Variants in CDH4 observed in about 807,000 individuals in gnomAD.
CDH4 encodes the protein cadherin-4.
In CDH4, 33 loss-of-function variants were observed where a neutral mutation model predicts 86.0. The observed-to-expected ratio is 0.38, with a 90% CI of 0.29 to 0.51. The LOEUF is 0.51. Ranked by LOEUF, CDH4 falls within the 20% of genes least tolerant of loss-of-function variation. CDH4 has a pLI of 0.86. For missense variants in CDH4, 1,114 were observed against 1,307.4 expected, an observed-to-expected ratio of 0.85 and a Z score of 2.28; for synonymous variants, 555 against 549.4, an observed-to-expected ratio of 1.01 and a Z score of -0.14.
At chr20:61,859,284 G>C (rs571166027) in intron 6 of CDH4, among the ~76,000 whole-genome samples, 2 of 152,050 alleles carry the variant, frequency 1.3e-5, no homozygotes, top group Non-Finnish European at 2.9e-5. Flanking sequence ...AATTCTTTAC[G>C]TATTCTAGAT....
intron 7 of CDH4, among the ~76,000 whole-genome samples, chr20:61,880,598 G>A (rs1054471471): frequency 1.3e-5 from 2 of 152,182 alleles, no homozygotes; most frequent in Admixed American, 6.5e-5. Context: ...GAGTCCCATG[G>A]CGTCCCCCAA....
intron 7 of CDH4, among the ~76,000 whole-genome samples, chr20:61,885,357 C>T (rs1002658045): frequency 4.6e-5 from 7 of 152,224 alleles, no homozygotes; most frequent in Admixed American, 3.9e-4. Flanking sequence ...TCTGCTTCTA[C>T]GGATTTGCCT....
intron 2 of CDH4, among the ~76,000 whole-genome samples, chr20:61,461,197 T>A (rs73915052): frequency 0.16 from 24,364 of 151,780 alleles, 3,305 homozygotes; most frequent in African/African-American, 0.37. Context: ...CATTTTTTTT[T>A]AAAAAAAATG....
At chr20:61,717,836 CCCA>C (rs1341362621) in intron 2 of CDH4, 1 of 151,150 alleles carries the variant, frequency 6.6e-6, no homozygotes, top group Non-Finnish European at 1.5e-5. Context: ...GCCCCCAGCC[CCCA>C]GTGTGCTCAG....
chr20:61,909,840 C>T (rs1776238), intron 8 of CDH4, among the ~76,000 whole-genome samples: 145,182 of 152,202 alleles, frequency 0.95, 69,275 homozygotes, highest in East Asian at 1. Flanking sequence ...GCCATATCTT[C>T]GGGGACACCA....
intron 7 of CDH4, among the ~76,000 whole-genome samples, chr20:61,889,055 T>A (rs1287602144): frequency 6.6e-6 from 1 of 152,210 alleles, no homozygotes; most frequent in Admixed American, 6.5e-5. Context: ...AATGCCCTGT[T>A]CTGCACCATG....
intron 2 of CDH4, among the ~76,000 whole-genome samples, chr20:61,564,353 T>C (rs2086245735): frequency 6.6e-6 from 1 of 152,210 alleles, no homozygotes; most frequent in Non-Finnish European, 1.5e-5. Flanking sequence ...CATGCTGAGA[T>C]GTGATCCCCA....
intron 4 of CDH4, among the ~76,000 whole-genome samples, chr20:61,779,975 A>G (rs884938): frequency 0.48 from 72,829 of 152,078 alleles, 17,731 homozygotes; most frequent in East Asian, 0.75. Context: ...CCCACTTTCC[A>G]ATACTCTAAA....
At chr20:61,572,268 CATAG>C (rs749575634) in intron 2 of CDH4, among the ~76,000 whole-genome samples, 1 of 152,120 alleles carries the variant, frequency 6.6e-6, no homozygotes, top group African/African-American at 2.4e-5. Flanking sequence ...TTAGACTAAT[CATAG>C]ATAGATAATA....
chr20:61,472,521 C>T (rs1392173487), intron 2 of CDH4, among the ~76,000 whole-genome samples: 1 of 152,096 alleles, frequency 6.6e-6, no homozygotes, highest in African/African-American at 2.4e-5. Context: ...TCTTGCTTTT[C>T]ATTTTTTTTG....
chr20:61,354,087 C>T lies in CDH4; in HGVS notation c.169+99150C>T, dbSNP rs1301866857. ...GGTGATTTTGCCCTCAAGGGACATT[C>T]GAGAACGTCTAGGGATGTTGGGTGG... On this transcript the variant is annotated intron_variant, in intron 2 of 15. Coordinates refer to ENST00000614565, the MANE Select transcript of CDH4 (RefSeq NM_001794.5). Among the ~76,000 whole-genome samples the T allele has an allele frequency of 4.6e-5, 7 of 151,986 alleles. No individual in the cohort carries two copies. The East Asian group carries it at 1.2e-3, about 25-fold the overall frequency.
intron 2 of CDH4, among the ~76,000 whole-genome samples, chr20:61,259,297 C>T (rs1458614317): frequency 6.6e-6 from 1 of 152,232 alleles, no homozygotes; most frequent in Non-Finnish European, 1.5e-5. Flanking sequence ...GTACTATTAT[C>T]TTGTCTTTAC....
At position 61,681,167 on chromosome 20, in the gene CDH4, G is replaced by A. The variant is rs145622876; in HGVS notation, c.170-62396G>A. On this transcript the variant is annotated intron_variant, in intron 2 of 15. Coordinates refer to ENST00000614565, the MANE Select transcript of CDH4 (RefSeq NM_001794.5). This position sits in a 1 kb window ranked among gnomAD's most constrained non-coding sequence, Gnocchi z 4.5. ...ATGTCTCTGCAAGGGTAAAACACCC[G>A]CCCTCACGTCCTAATGGCTTTTTTT... 2.9e-3 allele frequency among the ~76,000 whole-genome samples: 438 copies of A among 152,254 alleles called. 3 individuals carry two copies. Among genetic ancestry groups the A allele is most frequent in the Middle Eastern group, 0.01 (3 of 294 alleles).
chr20:61,388,277 G>A (rs2084963036), intron 2 of CDH4, among the ~76,000 whole-genome samples: 1 of 152,144 alleles, frequency 6.6e-6, no homozygotes, highest in Non-Finnish European at 1.5e-5. Flanking sequence ...TGGTGGGTGG[G>A]GGTAGGGGGG....
At chr20:61,753,075 G>C (rs1380152458) in intron 3 of CDH4, among the ~76,000 whole-genome samples, 1 of 152,168 alleles carries the variant, frequency 6.6e-6, no homozygotes, top group African/African-American at 2.4e-5. Flanking sequence ...TGGGAGTTCT[G>C]ATGGGGGCAC....
intron 7 of CDH4, among the ~76,000 whole-genome samples, chr20:61,883,435 G>A (rs1159200098): frequency 2.0e-5 from 3 of 152,178 alleles, no homozygotes; most frequent in African/African-American, 7.2e-5. Context: ...GGCACCACCA[G>A]CATTGCATGG....
chr20:61,873,186 C>T (rs1568860572), intron 6 of CDH4, among the ~76,000 whole-genome samples: 1 of 152,336 alleles, frequency 6.6e-6, no homozygotes, highest in South Asian at 2.1e-4. Context: ...TGACGGAGTC[C>T]TATAGGCACA....
At chr20:61,720,163 T>A (rs541869747) in intron 2 of CDH4, among the ~76,000 whole-genome samples, 1 of 152,276 alleles carries the variant, frequency 6.6e-6, no homozygotes, top group East Asian at 1.9e-4. Context: ...GTGGAGGGCA[T>A]GTTCACGTAA....
At chr20:61,689,269 A>G (rs2087625784) in intron 2 of CDH4, among the ~76,000 whole-genome samples, 3 of 56,164 alleles carry the variant, frequency 5.3e-5, no homozygotes, top group African/African-American at 1.4e-4. Context: ...GGGCTGGGAC[A>G]GTGGTTGGTG....
Sources: allele counts gnomAD v4.1 joint callset (sites outside exome capture counted in the v4.1 genomes callset), GRCh38; gene constraint gnomAD v4.1.1; non-coding constraint Gnocchi (gnomAD v3.1); transcripts MANE v1.5; gene names NCBI Gene and HGNC (gene_info 2026-07-23, HGNC 2026-07-21).